The following UBXN7 variants were observed in gnomAD, a reference collection of about 807,000 sequenced individuals.
The protein encoded by UBXN7 is UBX domain protein 7.
UBXN7 carries 9 observed loss-of-function variants against 58.0 expected under a neutral mutation model. The observed-to-expected ratio is 0.16, with a 90% CI of 0.09 to 0.27. UBXN7 has a LOEUF of 0.27. UBXN7 is among the 10% of genes least tolerant of loss of function. The pLI is 1.00. For missense variants in UBXN7, 328 were observed against 599.6 expected (o/e 0.55, Z 4.73); for synonymous variants, 208 against 205.0 (o/e 1.01, Z -0.12).
chr3:196,392,470 A>C (rs1577456317), intron 4 of UBXN7, among the ~76,000 whole-genome samples: 1 of 151,466 alleles, frequency 6.6e-6, no homozygotes, highest in African/African-American at 2.4e-5. Flanking sequence ...GCGCCACTGC[A>C]CTCCAGCCTG....
At chr3:196,409,397 T>C (rs1266426076) in intron 1 of UBXN7, among the ~76,000 whole-genome samples, 1 of 152,174 alleles carries the variant, frequency 6.6e-6, no homozygotes, top group Non-Finnish European at 1.5e-5. Context: ...GGTCACTGTT[T>C]CTTGTTTCTG....
At chr3:196,396,647 C>T (rs1314797926) in intron 3 of UBXN7, among the ~76,000 whole-genome samples, 10 of 151,968 alleles carry the variant, frequency 6.6e-5, no homozygotes, top group Admixed American at 5.9e-4. Context: ...CCTGTAGTCC[C>T]AGCTACTCGG....
At chr3:196,377,385 G>A (rs565329007) in intron 5 of UBXN7, among the ~76,000 whole-genome samples, 3 of 152,110 alleles carry the variant, frequency 2.0e-5, no homozygotes, top group African/African-American at 7.2e-5. Context: ...GCATTCCCTC[G>A]CTTCACTAAG....
intron 5 of UBXN7, among the ~76,000 whole-genome samples, chr3:196,374,482 G>T (rs193053576): frequency 2.5e-3 from 378 of 152,170 alleles, no homozygotes; most frequent in African/African-American, 8.7e-3. Context: ...ACTTGGAAAT[G>T]ATACTAACCA....
intron 10 of UBXN7, among the ~76,000 whole-genome samples, chr3:196,361,013 A>G (rs1728490967): frequency 6.6e-6 from 1 of 152,176 alleles, no homozygotes; most frequent in Non-Finnish European, 1.5e-5. Flanking sequence ...AATCTGGGCA[A>G]AGTAAACTGA....
intron 8 of UBXN7, 101 bp downstream of exon 8, chr3:196,367,927 T>C (rs551893301): frequency 6.8e-7 from 1 of 1,473,696 alleles, no homozygotes; most frequent in Admixed American, 2.1e-5. Flanking sequence ...AGTTGTCCAC[T>C]AGTTAGATTA....
chr3:196,391,997 A>C (rs6779332), intron 4 of UBXN7, 72 bp from the exon 5 acceptor site: 251,947 of 579,064 alleles, frequency 0.44, 72,266 homozygotes, highest in East Asian at 0.87. Flanking sequence ...AAAAAAAAAA[A>C]CACAAACTTC....
At chr3:196,372,557 G>A (rs1441576852) in intron 5 of UBXN7, among the ~76,000 whole-genome samples, 1 of 151,912 alleles carries the variant, frequency 6.6e-6, no homozygotes, top group Non-Finnish European at 1.5e-5. Flanking sequence ...GGCCAGGCTG[G>A]TCTCGAACTT....
intron 5 of UBXN7, among the ~76,000 whole-genome samples, chr3:196,379,534 A>G (rs73088721): frequency 0.02 from 3,069 of 152,262 alleles, 130 homozygotes; most frequent in African/African-American, 0.07. Context: ...TTGTAGAGGG[A>G]AAAAGATTCA....
At chr3:196,376,028 A>G (rs562195209) in intron 5 of UBXN7, among the ~76,000 whole-genome samples, 2 of 152,260 alleles carry the variant, frequency 1.3e-5, no homozygotes, top group Non-Finnish European at 2.9e-5. Context: ...GACTGCCTCA[A>G]AAAAAGAAAG....
intron 2 of UBXN7, among the ~76,000 whole-genome samples, chr3:196,406,341 T>A (rs1024543399): frequency 2.0e-5 from 3 of 151,940 alleles, no homozygotes; most frequent in African/African-American, 7.3e-5. Context: ...ACTTTTTTTT[T>A]AAATATTAAG....
chr3:196,368,970 C>T (rs1173511129), intron 7 of UBXN7, among the ~76,000 whole-genome samples: 1 of 151,978 alleles, frequency 6.6e-6, no homozygotes, highest in African/African-American at 2.4e-5. Context: ...CTACAGGTGC[C>T]CGCCACCATG....
intron 1 of UBXN7, among the ~76,000 whole-genome samples, chr3:196,411,618 C>T (rs1730327441): frequency 6.6e-6 from 1 of 152,178 alleles, no homozygotes; most frequent in African/African-American, 2.4e-5. Flanking sequence ...TCGAGTCCAC[C>T]TGACCAATAT....
At chr3:196,424,383 A>ATT (rs869183431) in intron 1 of UBXN7, among the ~76,000 whole-genome samples, 33 of 104,900 alleles carry the variant, frequency 3.1e-4, no homozygotes, top group Non-Finnish European at 3.9e-4. Flanking sequence ...TCTTTTCCTA[A>ATT]TTTTTTTTTT....
intron 5 of UBXN7, among the ~76,000 whole-genome samples, chr3:196,391,536 G>C (rs1368244955): frequency 6.6e-6 from 1 of 152,010 alleles, no homozygotes; most frequent in Non-Finnish European, 1.5e-5. Context: ...TTCGAGACCA[G>C]CCTGGGCGAC....
chr3:196,428,269 G>T (rs1730912287), intron 1 of UBXN7, among the ~76,000 whole-genome samples: 1 of 152,108 alleles, frequency 6.6e-6, no homozygotes, highest in Non-Finnish European at 1.5e-5. Flanking sequence ...AAGGTTTGTA[G>T]CATAATGTTA....
At chr3:196,403,952 G>C (rs1196994529) in intron 2 of UBXN7, among the ~76,000 whole-genome samples, 1 of 151,942 alleles carries the variant, frequency 6.6e-6, no homozygotes, top group African/African-American at 2.4e-5. Context: ...TGCCTTTAAA[G>C]ATTAGTTTAT....
chr3:196,386,808 T>C (rs1441121638), intron 5 of UBXN7, among the ~76,000 whole-genome samples: 1 of 152,108 alleles, frequency 6.6e-6, no homozygotes, highest in Admixed American at 6.6e-5. Flanking sequence ...CTAGATTCAA[T>C]GCCAACCCCA....
intron 4 of UBXN7, among the ~76,000 whole-genome samples, 171 bp downstream of exon 4, chr3:196,393,383 T>C (rs1047005821): frequency 6.6e-6 from 1 of 152,202 alleles, no homozygotes; most frequent in Non-Finnish European, 1.5e-5. Flanking sequence ...ACCAAATAGG[T>C]TAGAATTTGG....
Sources: allele counts gnomAD v4.1 joint callset (sites outside exome capture counted in the v4.1 genomes callset), GRCh38; gene constraint gnomAD v4.1.1; transcripts MANE v1.5; gene names NCBI Gene and HGNC (gene_info 2026-07-23, HGNC 2026-07-21).